Variants in RPS6KA2 observed in about 807,000 individuals in gnomAD.
RPS6KA2 encodes the protein ribosomal protein S6 kinase alpha-2.
A neutral mutation model predicts 91.8 loss-of-function variants in RPS6KA2; 42 were observed. The ratio of observed to expected loss-of-function variants is 0.46; its 90% CI spans 0.36 to 0.59. The LOEUF is 0.59. Among genes scored for constraint, RPS6KA2 ranks in the 20% least tolerant of loss-of-function variants. The pLI is 0.00. For synonymous variants in RPS6KA2, 414 were observed against 393.6 expected (o/e 1.05, Z -0.61); for missense variants, 798 against 978.5 (o/e 0.82, Z 2.46).
rs377334705 is a variant in RPS6KA2, at chr6:166,508,148, G to T, written c.459+55C>A. On this transcript the variant is annotated intron_variant, in intron 5 of 20. Coordinates refer to ENST00000265678, the MANE Select transcript of RPS6KA2 (RefSeq NM_021135.6). This position sits in a 1 kb window ranked among gnomAD's most constrained non-coding sequence, Gnocchi z 4.3. Reference sequence around the variant, plus strand: ...AATGCTCTCCACCCCTCCTCCCCTCGAGTCCCAGACAGAAGCTCCTGCCCG... The same window carrying T: ...AATGCTCTCCACCCCTCCTCCCCTCTAGTCCCAGACAGAAGCTCCTGCCCG... 5.4e-5 allele frequency: 63 copies of T among 1,163,152 alleles called. No homozygotes were observed. In the African/African-American group the frequency reaches 8.5e-4, roughly 16 times the overall value. 72.1% of individuals were successfully genotyped at this position (1,163,152 alleles called of 1,614,324 possible).
At chr6:166,798,989 C>A (rs2128617175) in intron 2 of RPS6KA2, among the ~76,000 whole-genome samples, 1 of 152,388 alleles carries the variant, frequency 6.6e-6, no homozygotes, top group East Asian at 1.9e-4. Context: ...AAGAGAGCCC[C>A]TATTCAAGTT....
intron 2 of RPS6KA2, among the ~76,000 whole-genome samples, chr6:166,729,257 C>G (rs1464574449): frequency 6.6e-6 from 1 of 152,266 alleles, no homozygotes; most frequent in Non-Finnish European, 1.5e-5. Flanking sequence ...CCTACAAGCC[C>G]TGGTGCAGGG....
In RPS6KA2 at chr6:166,612,948, T is replaced by C. The variant is rs1425147493; in HGVS notation, c.99+13973A>G. On this transcript the variant is annotated intron_variant, in intron 1 of 20. Transcript: ENST00000265678. The surrounding 1 kb of genome is among the most constrained non-coding windows in gnomAD (Gnocchi z 4.3). ...CTCCCCTCTCCTCCTGCCCTTTAAT[T>C]ATTGTTTAAAAGACAGATGCTTGAG... Among the ~76,000 whole-genome samples the C allele has an allele frequency of 3.3e-5, 5 of 152,192 alleles. No homozygotes were observed. Among genetic ancestry groups the C allele is most frequent in the African/African-American group, 1.2e-4 (5 of 41,436 alleles).
intron 2 of RPS6KA2, among the ~76,000 whole-genome samples, chr6:166,745,864 T>C (rs1034788076): frequency 6.6e-6 from 1 of 152,182 alleles, no homozygotes; most frequent in African/African-American, 2.4e-5. Flanking sequence ...CCATCGTCTC[T>C]ACAACTGGTG....
chr6:166,525,581 C>T (rs1161766742), intron 3 of RPS6KA2, among the ~76,000 whole-genome samples: 1 of 152,246 alleles, frequency 6.6e-6, no homozygotes, highest in African/African-American at 2.4e-5. Flanking sequence ...ATCCCACTGA[C>T]AACCCTCACT....
chr6:166,697,574 G>A (rs1202941318), intron 2 of RPS6KA2, among the ~76,000 whole-genome samples: 2 of 152,194 alleles, frequency 1.3e-5, no homozygotes, highest in African/African-American at 4.8e-5. Context: ...CTGCAAACAA[G>A]AACCACACCC....
chr6:166,504,206 C>A (rs759058740), intron 6 of RPS6KA2, among the ~76,000 whole-genome samples: 1 of 152,224 alleles, frequency 6.6e-6, no homozygotes, highest in Non-Finnish European at 1.5e-5. Flanking sequence ...GGGCGTGCCC[C>A]TCCCCAGCTC....
At chr6:166,566,621 T>C (rs1015323474) in intron 1 of RPS6KA2, among the ~76,000 whole-genome samples, 1 of 152,188 alleles carries the variant, frequency 6.6e-6, no homozygotes. Flanking sequence ...GCGGAGCCTG[T>C]CTTGCACAGG....
chr6:166,573,678 G>A (rs1784756164), intron 1 of RPS6KA2, among the ~76,000 whole-genome samples: 1 of 152,228 alleles, frequency 6.6e-6, no homozygotes, highest in South Asian at 2.1e-4. Context: ...CCCATTGACT[G>A]CCAGGGTCGT....
At chr6:166,572,694 G>A (rs1393375123) in intron 1 of RPS6KA2, among the ~76,000 whole-genome samples, 1 of 152,200 alleles carries the variant, frequency 6.6e-6, no homozygotes, top group Non-Finnish European at 1.5e-5. Flanking sequence ...GACCAGCAAG[G>A]CCCCCTTTCC....
chr6:166,492,673 T>A (rs1477593412), intron 8 of RPS6KA2, among the ~76,000 whole-genome samples: 2 of 152,164 alleles, frequency 1.3e-5, no homozygotes, highest in Admixed American at 1.3e-4. Context: ...TTTTTGCTGA[T>A]GGACTGGTAT....
At chr6:166,702,490 G>A (rs1261303143) in intron 2 of RPS6KA2, 9 of 1,578,542 alleles carry the variant, frequency 5.7e-6, no homozygotes, top group Admixed American at 1.7e-5. Flanking sequence ...TGCAGTTTCC[G>A]AGTCAGTGTT....
intron 3 of RPS6KA2, among the ~76,000 whole-genome samples, chr6:166,516,258 T>A (rs1782639039): frequency 6.6e-6 from 1 of 151,998 alleles, no homozygotes; most frequent in Non-Finnish European, 1.5e-5. Context: ...CACCAAAGAG[T>A]TTCAGGGAGT....
intron 13 of RPS6KA2, among the ~76,000 whole-genome samples, 190 bp from the exon 14 acceptor site, chr6:166,449,039 A>C (rs901447339): frequency 2.0e-5 from 3 of 152,178 alleles, no homozygotes; most frequent in African/African-American, 7.2e-5. Context: ...CCTAAATGCC[A>C]GCTTCTCTGA....
At chr6:166,598,156 G>A (rs541866427) in intron 1 of RPS6KA2, among the ~76,000 whole-genome samples, 1 of 152,294 alleles carries the variant, frequency 6.6e-6, no homozygotes, top group African/African-American at 2.4e-5. Context: ...ACACTTCTCA[G>A]GAGAGAGCGG....
At chr6:166,502,621 C>T (rs866835883) in intron 6 of RPS6KA2, among the ~76,000 whole-genome samples, 1 of 152,220 alleles carries the variant, frequency 6.6e-6, no homozygotes, top group East Asian at 1.9e-4. Context: ...AGACTCACAA[C>T]ACGGCACTCC....
At chr6:166,599,149 G>C (rs1785643166) in intron 1 of RPS6KA2, among the ~76,000 whole-genome samples, 1 of 152,228 alleles carries the variant, frequency 6.6e-6, no homozygotes, top group Non-Finnish European at 1.5e-5. Context: ...CACTGGATTG[G>C]TATCAAGGAC....
At chr6:166,818,340 T>C (rs1192649492) in intron 2 of RPS6KA2, among the ~76,000 whole-genome samples, 2 of 152,164 alleles carry the variant, frequency 1.3e-5, no homozygotes, top group Non-Finnish European at 2.9e-5. Context: ...GCTAATTGCA[T>C]TGTAAATTTT....
Position 166,430,582 on chromosome 6 carries a change from C to G in RPS6KA2, c.1452G>C (p.Leu484=). Reference sequence around the variant, plus strand: ...CCCCACCACGCATCAGCTCCATTACCAGGTACACAAACTTGCCATCATCAT... The same window carrying G: ...CCCCACCACGCATCAGCTCCATTACGAGGTACACAAACTTGCCATCATCAT... The part of the protein sequence containing the change: ...DVYDDGKFVY[L]VMELMRGGEL... The change falls in exon 16 of 21, where the codon CTG becomes CTC. Residue 484 remains leucine (L), a synonymous_variant. Coordinates refer to ENST00000265678, the MANE Select transcript of RPS6KA2 (RefSeq NM_021135.6). 1 of 1,613,838 alleles carries G rather than the reference C, an allele frequency of 6.2e-7. No homozygotes were observed. The highest frequency in any genetic ancestry group is 1.3e-5 in the African/African-American group (1 of 75,014).
Sources: gnomAD v4.1 joint callset for allele counts (sites outside exome capture counted in the v4.1 genomes callset) on GRCh38, gnomAD v4.1.1 for gene constraint, Gnocchi (gnomAD v3.1) non-coding constraint, MANE v1.5 for transcripts, NCBI Gene and HGNC (gene_info 2026-07-23, HGNC 2026-07-21) for gene names.